Variants in SLC8A3 observed in about 807,000 individuals in gnomAD.
The protein encoded by SLC8A3 is sodium/calcium exchanger 3.
A neutral mutation model predicts 65.4 loss-of-function variants in SLC8A3; 37 were observed. The observed-to-expected ratio is 0.57, with a 90% confidence interval of 0.44 to 0.74. SLC8A3 has a LOEUF of 0.74. Among genes scored for constraint, SLC8A3 ranks in the 30% least tolerant of loss-of-function variants. The probability of loss-of-function intolerance (pLI) is 0.00; values close to 1 mark genes in which losing one functional copy is unlikely to be tolerated. For missense variants in SLC8A3, 1,112 were observed against 1,172.1 expected, an observed-to-expected ratio of 0.95 and a Z score of 0.75; for synonymous variants, 461 against 444.5, an observed-to-expected ratio of 1.04 and a Z score of -0.47.
rs372266319 is a variant in SLC8A3, at chr14:70,187,789, C to A, written c.-63+590G>T. On this transcript the variant is annotated intron_variant, in intron 1 of 6. Transcript: ENST00000356921. The stretch of plus-strand genomic sequence containing the variant: ...TTCTCCCTCGCCCCCTTGGCCCCAG[C>A]GGTGGGTGCTCTGGGGCTGCAGCTC... Among the ~76,000 whole-genome samples the A allele has an allele frequency of 4.6e-5, 7 of 152,230 alleles. No individual in the cohort carries two copies. The East Asian group carries it at 5.8e-4, about 13-fold the overall frequency.
At chr14:70,074,546 C>A (rs1012666056) in intron 2 of SLC8A3, among the ~76,000 whole-genome samples, 4 of 152,154 alleles carry the variant, frequency 2.6e-5, no homozygotes, top group African/African-American at 7.2e-5. Flanking sequence ...AAAGCAGAAG[C>A]TGAGATTATC....
intron 2 of SLC8A3, among the ~76,000 whole-genome samples, chr14:70,109,120 C>A (rs1020827816): frequency 6.6e-6 from 1 of 150,508 alleles, no homozygotes; most frequent in Non-Finnish European, 1.5e-5. Flanking sequence ...ATAGAAAATT[C>A]TTTAAGGAGA....
At chr14:70,182,480 G>A (rs1427715402) in intron 1 of SLC8A3, among the ~76,000 whole-genome samples, 1 of 152,194 alleles carries the variant, frequency 6.6e-6, no homozygotes, top group Non-Finnish European at 1.5e-5. Flanking sequence ...GTGAGACCTA[G>A]AGAGCTCTGT....
At position 70,175,737 on chromosome 14, in the gene SLC8A3, C is replaced by T. The variant is rs12893079; in HGVS notation, c.-62-7253G>A. 8.4e-3 allele frequency among the ~76,000 whole-genome samples: 1,065 copies of T among 126,710 alleles called. 32 individuals are homozygous for T. The highest frequency in any genetic ancestry group is 0.067 in the Admixed American group (837 of 12,484). The allele number at this position is 126,710 out of a possible 152,430, so 83.1% of individuals were successfully genotyped here. A position where few individuals can be genotyped will look rare whatever the true frequency, so the allele number is the denominator to read the frequency against. On this transcript the variant is annotated intron_variant, in intron 1 of 6. Transcript: ENST00000356921. ...TCAATATAGGGAAGCTTTTTTTTTT[C>T]TTTTTTTTTTTTTTTGAGAGGCAGT...
At chr14:70,125,334 C>T (rs929452698) in intron 2 of SLC8A3, among the ~76,000 whole-genome samples, 1 of 152,116 alleles carries the variant, frequency 6.6e-6, no homozygotes, top group African/African-American at 2.4e-5. Context: ...CCATTCCCCC[C>T]ACCCTTCCGA....
At chr14:70,156,261 T>A (rs2140325470) in intron 2 of SLC8A3, among the ~76,000 whole-genome samples, 1 of 152,356 alleles carries the variant, frequency 6.6e-6, no homozygotes, top group Non-Finnish European at 1.5e-5. Flanking sequence ...AAAGCTTCTG[T>A]GTTATATGTA....
At chr14:70,074,555 T>C (rs906850905) in intron 2 of SLC8A3, among the ~76,000 whole-genome samples, 9 of 152,176 alleles carry the variant, frequency 5.9e-5, no homozygotes, top group Admixed American at 5.9e-4. Context: ...GCTGAGATTA[T>C]CACAAAGGTG....
intron 2 of SLC8A3, among the ~76,000 whole-genome samples, chr14:70,096,533 C>T (rs1892190684): frequency 6.6e-6 from 1 of 152,204 alleles, no homozygotes; most frequent in Non-Finnish European, 1.5e-5. Flanking sequence ...ATTAAGAGCA[C>T]AGGTCCCAGA....
At chr14:70,113,637 C>T (rs1018257889) in intron 2 of SLC8A3, among the ~76,000 whole-genome samples, 3 of 152,110 alleles carry the variant, frequency 2.0e-5, no homozygotes, top group African/African-American at 7.2e-5. Context: ...ATGTTGATCC[C>T]TTAACACAGA....
chr14:70,185,337 C>T (rs1248208776), intron 1 of SLC8A3, among the ~76,000 whole-genome samples: 1 of 152,202 alleles, frequency 6.6e-6, no homozygotes, highest in Non-Finnish European at 1.5e-5. Flanking sequence ...TTCCCAAATC[C>T]TGATCATGGG....
intron 2 of SLC8A3, among the ~76,000 whole-genome samples, chr14:70,087,302 G>A (rs1891505172): frequency 6.6e-6 from 1 of 152,148 alleles, no homozygotes; most frequent in Admixed American, 6.5e-5. Flanking sequence ...CGCTCTGGAG[G>A]AGCACAGCCC....
At chr14:70,133,771 C>T (rs912607313) in intron 2 of SLC8A3, among the ~76,000 whole-genome samples, 3 of 152,152 alleles carry the variant, frequency 2.0e-5, no homozygotes, top group African/African-American at 7.2e-5. Flanking sequence ...CTTGGGAGAG[C>T]TAGTTCCAGG....
intron 2 of SLC8A3, among the ~76,000 whole-genome samples, chr14:70,148,865 C>T (rs895990159): frequency 2.6e-5 from 4 of 152,082 alleles, no homozygotes; most frequent in East Asian, 1.9e-4. Flanking sequence ...CGAGTGGGGC[C>T]GTGATCAGGG....
chr14:70,165,628 T>C (rs1383180294), intron 2 of SLC8A3, among the ~76,000 whole-genome samples: 2 of 152,232 alleles, frequency 1.3e-5, no homozygotes, highest in Non-Finnish European at 2.9e-5. Context: ...TCTCATAAGC[T>C]ACAAATCCTG....
intron 1 of SLC8A3, among the ~76,000 whole-genome samples, chr14:70,172,707 C>T (rs1001687591): frequency 6.6e-6 from 1 of 151,682 alleles, no homozygotes; most frequent in African/African-American, 2.4e-5. Flanking sequence ...AGAGACACCG[C>T]GTTTGCCCTC....
intron 1 of SLC8A3, among the ~76,000 whole-genome samples, chr14:70,184,941 G>T (rs906564046): frequency 1.3e-5 from 2 of 150,558 alleles, no homozygotes; most frequent in African/African-American, 4.9e-5. Flanking sequence ...AGTGAAGGGG[G>T]TTATTCCTTT....
chr14:70,138,231 G>C (rs1309961513), intron 2 of SLC8A3, among the ~76,000 whole-genome samples: 2 of 152,132 alleles, frequency 1.3e-5, no homozygotes, highest in East Asian at 3.9e-4. Flanking sequence ...CTCAAATAAA[G>C]AGAGCAGCCA....
intron 2 of SLC8A3, among the ~76,000 whole-genome samples, chr14:70,081,296 T>C (rs1272660356): frequency 2.0e-5 from 3 of 152,370 alleles, no homozygotes; most frequent in South Asian, 2.1e-4. Context: ...TCCCAGATTC[T>C]AATTTGTAGA....
intron 2 of SLC8A3, among the ~76,000 whole-genome samples, chr14:70,062,719 T>A (rs372100487): frequency 8.5e-5 from 13 of 152,364 alleles, no homozygotes; most frequent in African/African-American, 3.1e-4. Context: ...TTTTTATACC[T>A]TGCTCAGCGG....
Sources: allele counts gnomAD v4.1 joint callset (sites outside exome capture counted in the v4.1 genomes callset), GRCh38; gene constraint gnomAD v4.1.1; transcripts MANE v1.5; gene names NCBI Gene and HGNC (gene_info 2026-07-23, HGNC 2026-07-21).